The following MYO5A variants were observed in gnomAD, a reference collection of about 807,000 sequenced individuals.
MYO5A encodes the protein unconventional myosin-Va.
Under a neutral mutation model 249.7 loss-of-function variants are expected in MYO5A, and 98 were observed. That is an observed-to-expected ratio of 0.39 (90% CI 0.33 to 0.46). The LOEUF (loss-of-function observed/expected upper bound fraction) is 0.46. MYO5A is among the 20% of genes least tolerant of loss of function. The pLI, the probability that MYO5A is intolerant of heterozygous loss-of-function variation, is 0.98. For synonymous variants in MYO5A, 778 were observed against 810.6 expected (o/e 0.96, Z 0.68); for missense variants, 1,696 against 2,308.8 (o/e 0.73, Z 5.44).
chr15:52,480,529 C>T (rs555355040), intron 1 of MYO5A, among the ~76,000 whole-genome samples: 7 of 152,278 alleles, frequency 4.6e-5, no homozygotes, highest in East Asian at 1.9e-4. Flanking sequence ...TCCTGATCCC[C>T]GATCCTTGAG....
At chr15:52,373,469 C>T (rs997181692) in intron 20 of MYO5A, among the ~76,000 whole-genome samples, 2 of 152,222 alleles carry the variant, frequency 1.3e-5, no homozygotes, top group African/African-American at 4.8e-5. Context: ...TTCAATCTCA[C>T]TTTCATCATG....
chr15:52,383,478 T>C (rs1011020191), intron 15 of MYO5A, among the ~76,000 whole-genome samples: 1 of 152,244 alleles, frequency 6.6e-6, no homozygotes, highest in African/African-American at 2.4e-5. Flanking sequence ...CTTAGTCATA[T>C]GTAACTAACA....
At chr15:52,368,977 A>G (rs1162157707) in intron 22 of MYO5A, among the ~76,000 whole-genome samples, 1 of 152,242 alleles carries the variant, frequency 6.6e-6, no homozygotes, top group Non-Finnish European at 1.5e-5. Flanking sequence ...AAGAGATCTT[A>G]AACATTCAAG....
intron 1 of MYO5A, among the ~76,000 whole-genome samples, chr15:52,488,325 T>C (rs1240746929): frequency 2.0e-5 from 3 of 152,152 alleles, no homozygotes; most frequent in Non-Finnish European, 2.9e-5. Flanking sequence ...GGAAACCACA[T>C]TTTAATGTGG....
At chr15:52,373,523 C>G (rs2041239811) in intron 20 of MYO5A, among the ~76,000 whole-genome samples, 1 of 152,160 alleles carries the variant, frequency 6.6e-6, no homozygotes, top group Non-Finnish European at 1.5e-5. Flanking sequence ...TTAAGACCCC[C>G]CCACTCCAAA....
intron 11 of MYO5A, among the ~76,000 whole-genome samples, chr15:52,393,383 T>A (rs2001219): frequency 6.6e-6 from 1 of 151,210 alleles, no homozygotes; most frequent in Non-Finnish European, 1.5e-5. Flanking sequence ...TCATTTGCAG[T>A]GTTTTTTTTT....
At chr15:52,509,024 T>A (rs991327191) in intron 1 of MYO5A, among the ~76,000 whole-genome samples, 19 of 151,802 alleles carry the variant, frequency 1.3e-4, no homozygotes, top group African/African-American at 4.6e-4. Flanking sequence ...CAGGCTGGAG[T>A]GCAATGGTTT....
chr15:52,487,959 A>C (rs969378291), intron 1 of MYO5A, among the ~76,000 whole-genome samples: 70 of 152,132 alleles, frequency 4.6e-4, no homozygotes, highest in African/African-American at 1.7e-3. Flanking sequence ...ATAGCAACAT[A>C]AACACTAAGA....
intron 30 of MYO5A, among the ~76,000 whole-genome samples, chr15:52,344,316 G>A (rs1289175594): frequency 3.9e-5 from 6 of 152,016 alleles, no homozygotes; most frequent in Non-Finnish European, 5.9e-5. Context: ...TTCTTTCTCT[G>A]GATGTTTTCC....
chr15:52,372,740 T>C (rs568998275), intron 20 of MYO5A, among the ~76,000 whole-genome samples: 1 of 152,300 alleles, frequency 6.6e-6, no homozygotes, highest in South Asian at 2.1e-4. Context: ...TAGTATATGA[T>C]TTCTGTTGGC....
intron 1 of MYO5A, among the ~76,000 whole-genome samples, chr15:52,439,643 A>ATGAAGCCATACCAGAGTT (rs1328838853): frequency 6.6e-6 from 1 of 152,230 alleles, no homozygotes; most frequent in Non-Finnish European, 1.5e-5. Context: ...AGGATTTTCC[A>ATGAAGCCATACCAGAGTT]TGAAGCCATA....
Position 52,387,842 on chromosome 15 carries a change from A to G in MYO5A, c.1739T>C (p.Leu580Pro). Residue 580 changes from leucine to proline, a missense_variant, in exon 14 of 42, where the codon CTT becomes CCT. By Grantham distance (98) the Leu-to-Pro change is moderately conservative. Transcript: ENST00000399233. Reference sequence around the variant, plus strand: ...ATCCATAGTTACCTTGCTTGATTTAAGAACTTTAATTTGTTCTTCAAAAAC... The same window carrying G: ...ATCCATAGTTACCTTGCTTGATTTAGGAACTTTAATTTGTTCTTCAAAAAC... ...DTVFEEQIKV[L>P]KSSKFKMLPE... 1 of 1,606,578 alleles carries G rather than the reference A, an allele frequency of 6.2e-7. No individual in the cohort carries two copies. The highest frequency in any genetic ancestry group is 8.5e-7 in the Non-Finnish European group (1 of 1,173,560).
intron 35 of MYO5A, among the ~76,000 whole-genome samples, chr15:52,328,275 G>A (rs1404064127): frequency 6.6e-6 from 1 of 150,632 alleles, no homozygotes; most frequent in Non-Finnish European, 1.5e-5. Flanking sequence ...TGACAACTCT[G>A]CTCAGGCACA....
intron 24 of MYO5A, among the ~76,000 whole-genome samples, chr15:52,362,983 T>C (rs1020658000): frequency 6.6e-6 from 1 of 152,258 alleles, no homozygotes; most frequent in African/African-American, 2.4e-5. Context: ...AAGACATTTG[T>C]TTATCTCTGT....
intron 9 of MYO5A, among the ~76,000 whole-genome samples, chr15:52,400,054 A>G (rs2042679775): frequency 6.6e-6 from 1 of 152,022 alleles, no homozygotes; most frequent in Non-Finnish European, 1.5e-5. Flanking sequence ...AACAATCTAA[A>G]TCTTTTAGCT....
chr15:52,473,594 G>GT (rs1199030754), intron 1 of MYO5A, among the ~76,000 whole-genome samples: 2 of 152,340 alleles, frequency 1.3e-5, no homozygotes, highest in Admixed American at 6.5e-5. Context: ...AAGGGATCCA[G>GT]TTTCAGCTTT....
chr15:52,364,502 T>C (rs1232517448), intron 24 of MYO5A, 52 bp downstream of exon 24: 2 of 1,531,884 alleles, frequency 1.3e-6, no homozygotes, highest in East Asian at 2.3e-5. Flanking sequence ...TATTTACTTT[T>C]GTATATGTTT....
At chr15:52,360,621 G>A (rs2040471798) in intron 24 of MYO5A, among the ~76,000 whole-genome samples, 1 of 152,186 alleles carries the variant, frequency 6.6e-6, no homozygotes, top group South Asian at 2.1e-4. Context: ...GCAGTGGGCA[G>A]GATGGACAGT....
chr15:52,414,423 T>C (rs2043386348), intron 5 of MYO5A, among the ~76,000 whole-genome samples: 1 of 152,172 alleles, frequency 6.6e-6, no homozygotes, highest in Non-Finnish European at 1.5e-5. Context: ...TTTTAATATA[T>C]TCCTACTAAT....
Sources: gnomAD v4.1 joint callset for allele counts (sites outside exome capture counted in the v4.1 genomes callset) on GRCh38, gnomAD v4.1.1 for gene constraint, MANE v1.5 for transcripts, NCBI Gene and HGNC (gene_info 2026-07-23, HGNC 2026-07-21) for gene names.